Variants in SERTAD2 observed in about 807,000 individuals in gnomAD.
SERTAD2 encodes the protein SERTA domain-containing protein 2.
In SERTAD2, 2 loss-of-function variants were observed where a neutral mutation model predicts 15.4. That is an observed-to-expected ratio of 0.13 (90% confidence interval 0.05 to 0.41). The LOEUF (loss-of-function observed/expected upper bound fraction) is 0.41, where lower values mean the gene tolerates loss of function less well. SERTAD2 is among the 10% of genes least tolerant of loss of function. The probability of loss-of-function intolerance (pLI) is 0.99; values close to 1 mark genes in which losing one functional copy is unlikely to be tolerated. For synonymous variants in SERTAD2, 180 were observed against 178.0 expected (o/e 1.01, Z -0.09); for missense variants, 333 against 409.7 (o/e 0.81, Z 1.62).
intron 1 of SERTAD2, among the ~76,000 whole-genome samples, chr2:64,642,250 G>C (rs959723720): frequency 4.6e-5 from 7 of 152,180 alleles, no homozygotes; most frequent in Admixed American, 1.3e-4. Flanking sequence ...GTCTCAAACT[G>C]ATGTGTCAGA....
intron 1 of SERTAD2, among the ~76,000 whole-genome samples, chr2:64,637,766 G>A (rs535103929): frequency 2.0e-5 from 3 of 152,282 alleles, no homozygotes; most frequent in African/African-American, 7.2e-5. Flanking sequence ...ATCTGGTAAT[G>A]GGTTGAATTT....
At chr2:64,636,945 T>C in intron 1 of SERTAD2, 70 bp from the exon 2 acceptor site, 6 of 1,149,776 alleles carry the variant, frequency 5.2e-6, no homozygotes, top group Non-Finnish European at 7.4e-6. Context: ...AAAAAGAGAC[T>C]GATTTAGAGG....
rs1292130359 is a variant in SERTAD2 at position 64,635,536 on chromosome 2, T to C, written c.*391A>G. On this transcript the variant is annotated 3_prime_UTR_variant, in exon 2 of 2. Transcript: ENST00000313349. ...ATTATCTAAATAAGATATATATATA[T>C]AGTTTTCTTCTTTACCTCTTGCAAT... 4 of 171,316 alleles carry C rather than the reference T, an allele frequency of 2.3e-5. No homozygotes were observed. Among genetic ancestry groups the C allele is most frequent in the East Asian group, 1.5e-4 (1 of 6,764 alleles). The allele number at this position is 171,316 out of a possible 1,614,324, so 10.6% of individuals were successfully genotyped here. A position where few individuals can be genotyped will look rare whatever the true frequency, so the allele number is the denominator to read the frequency against.
chr2:64,639,021 T>C (rs1674717501), intron 1 of SERTAD2, among the ~76,000 whole-genome samples: 1 of 152,256 alleles, frequency 6.6e-6, no homozygotes, highest in Non-Finnish European at 1.5e-5. Context: ...CTATTGGTAT[T>C]TGCTTATAAT....
intron 1 of SERTAD2, among the ~76,000 whole-genome samples, chr2:64,637,899 G>A (rs912800399): frequency 3.9e-5 from 6 of 152,128 alleles, no homozygotes; most frequent in Non-Finnish European, 7.3e-5. Flanking sequence ...CTGGGGAGTG[G>A]GCCTTCCAAC....
At chr2:64,646,467 C>G (rs1357320017) in intron 1 of SERTAD2, 2 of 151,932 alleles carry the variant, frequency 1.3e-5, no homozygotes, top group African/African-American at 4.8e-5. Context: ...ACGCCCAATT[C>G]AAGTTGGAAC....
chr2:64,652,475 G>A (rs1434210637), intron 1 of SERTAD2, among the ~76,000 whole-genome samples: 1 of 152,222 alleles, frequency 6.6e-6, no homozygotes, highest in African/African-American at 2.4e-5. Context: ...TAGGGCCTCA[G>A]GAATCCTGGT....
chr2:64,650,993 A>T (rs1463041319), intron 1 of SERTAD2, among the ~76,000 whole-genome samples: 2 of 152,212 alleles, frequency 1.3e-5, no homozygotes, highest in Non-Finnish European at 2.9e-5. Flanking sequence ...TTGCAACTAG[A>T]GCTATCTCCT....
chr2:64,647,341 TG>T (rs1486767514), intron 1 of SERTAD2, among the ~76,000 whole-genome samples: 1 of 152,212 alleles, frequency 6.6e-6, no homozygotes, highest in Non-Finnish European at 1.5e-5. Context: ...TGTCAGAGTA[TG>T]TTTTTAGCAT....
chr2:64,634,822 G>C lies in SERTAD2; in HGVS notation c.*1105C>G, dbSNP rs1674620910. 1 of 152,202 alleles carries C rather than the reference G, an allele frequency of 6.6e-6. No homozygotes were observed. Among genetic ancestry groups the C allele is most frequent in the East Asian group, 1.9e-4 (1 of 5,200 alleles). The allele number at this position is 152,202 out of a possible 1,614,324, so 9.4% of individuals were successfully genotyped here. ...GTCATCATAAAAATTATGCCAAAAAGGAAAGATCTGGGTTTTCATTAAAAA... is the reference window on the plus strand; with the variant it reads ...GTCATCATAAAAATTATGCCAAAAACGAAAGATCTGGGTTTTCATTAAAAA... On this transcript the variant is annotated 3_prime_UTR_variant, in exon 2 of 2. Coordinates refer to ENST00000313349, the MANE Select transcript of SERTAD2 (RefSeq NM_014755.3).
rs2104337317 is a variant in SERTAD2, at chr2:64,636,304, T to C, written c.568A>G (p.Thr190Ala). 6.2e-7 allele frequency: 1 copy of C among 1,614,164 alleles called. No individual in the cohort carries two copies. Among genetic ancestry groups the C allele is most frequent in the Non-Finnish European group, 8.5e-7 (1 of 1,180,026 alleles). Residue 190 changes from threonine (T) to alanine (A), a missense_variant, in exon 2 of 2, where the codon ACG becomes GCG. Thr to Ala is a moderately conservative substitution (Grantham distance 58). Coordinates refer to ENST00000313349, the MANE Select transcript of SERTAD2 (RefSeq NM_014755.3). ...CCTTTCACACTGTCAGTCGCAGCCG[T>C]GGCCGCCTCTGTGGAGGTAGATGTG... Reference protein sequence around the residue: ...CPTSTSTEAATAATDSVKGTS... With the variant: ...CPTSTSTEAAAAATDSVKGTS...
At chr2:64,646,213 G>A (rs2104349857) in intron 1 of SERTAD2, among the ~76,000 whole-genome samples, 1 of 152,290 alleles carries the variant, frequency 6.6e-6, no homozygotes, top group Non-Finnish European at 1.5e-5. Flanking sequence ...GATACCTGCT[G>A]AGGCTGGCTG....
chr2:64,635,812 A>G lies in SERTAD2; in HGVS notation c.*115T>C, dbSNP rs538610256. The stretch of plus-strand genomic sequence containing the variant: ...AAAAACTAGTGTGATCCTGTTGTAA[A>G]ATTTTCTTTTTCTCTGAAAAAGGCA... On this transcript the variant is annotated 3_prime_UTR_variant, in exon 2 of 2. Coordinates refer to ENST00000313349, the MANE Select transcript of SERTAD2 (RefSeq NM_014755.3). 78 of 811,240 alleles carry G rather than the reference A, an allele frequency of 9.6e-5. 1 individual carries two copies. Among genetic ancestry groups the G allele is most frequent in the Non-Finnish European group, 1.5e-4 (74 of 505,004 alleles). The allele number at this position is 811,240 out of a possible 1,614,324, so 50.3% of individuals were successfully genotyped here. A position where few individuals can be genotyped will look rare whatever the true frequency, so the allele number is the denominator to read the frequency against.
intron 1 of SERTAD2, among the ~76,000 whole-genome samples, chr2:64,651,455 T>C (rs1408257072): frequency 6.6e-6 from 1 of 152,204 alleles, no homozygotes; most frequent in East Asian, 1.9e-4. Flanking sequence ...TCTAAAGTAG[T>C]GTTGTAACTT....
At chr2:64,645,039 TAAA>T (rs10578583) in intron 1 of SERTAD2, 258 of 146,802 alleles carry the variant, frequency 1.8e-3, no homozygotes, top group East Asian at 2.2e-3. Context: ...CGGGATGCTT[TAAA>T]AAAAAAAAAA....
chr2:64,649,139 T>C (rs1358174966), intron 1 of SERTAD2, among the ~76,000 whole-genome samples: 1 of 152,252 alleles, frequency 6.6e-6, no homozygotes, highest in Non-Finnish European at 1.5e-5. Context: ...TTAGCGTGAC[T>C]AGGATTTTAT....
intron 1 of SERTAD2, among the ~76,000 whole-genome samples, chr2:64,643,276 G>A (rs1290417727): frequency 6.6e-6 from 1 of 152,244 alleles, no homozygotes; most frequent in African/African-American, 2.4e-5. Context: ...CCCTTCTCAG[G>A]AGAGCAGCAG....
At position 64,636,691 on chromosome 2, in the gene SERTAD2, T is replaced by G. The variant is rs765966125; in HGVS notation, c.181A>C (p.Lys61Gln). The G allele has an allele frequency of 6.2e-7, 1 of 1,614,028 alleles. No homozygotes were observed. Among genetic ancestry groups the G allele is most frequent in the East Asian group, 2.2e-5 (1 of 44,876 alleles). Reference sequence around the variant, plus strand: ...AACATGTTGTTAATTAAAACGGTCTTTTGCAAGCTGGGCTCTGTCAGGGGC... The same window carrying G: ...AACATGTTGTTAATTAAAACGGTCTGTTGCAAGCTGGGCTCTGTCAGGGGC... ...HRPLTEPSLQ[K>Q]TVLINNMLRR... Residue 61 changes from lysine to glutamine, a missense_variant, in exon 2 of 2, where the codon AAG (lysine) becomes CAG (glutamine). Physicochemically the swap from Lys to Gln is moderately conservative, Grantham distance 53 (BLOSUM62 1). This residue lies in a region of SERTAD2 where 332 missense variants were observed against 392.9 expected (regional missense o/e 0.84). Coordinates refer to ENST00000313349, the MANE Select transcript of SERTAD2 (RefSeq NM_014755.3).
At position 64,633,262 on chromosome 2, in the gene SERTAD2, G is replaced by C. The variant is rs567600111; in HGVS notation, c.*2665C>G. The stretch of plus-strand genomic sequence containing the variant: ...TTGAGTATCAGGGATTTATGGCAAC[G>C]GTGTCAGAGTTAAAAAGCATTTGCC... On this transcript the variant is annotated 3_prime_UTR_variant, in exon 2 of 2. Transcript: ENST00000313349. 1 of 152,142 alleles carries C rather than the reference G, an allele frequency of 6.6e-6. No individual in the cohort carries two copies. Among genetic ancestry groups the C allele is most frequent in the Non-Finnish European group, 1.5e-5 (1 of 68,022 alleles). 9.4% of individuals were successfully genotyped at this position (152,142 alleles called of 1,614,324 possible).
Sources: gnomAD v4.1 joint callset for allele counts (sites outside exome capture counted in the v4.1 genomes callset) on GRCh38, gnomAD v4.1.1 for gene constraint, gnomAD v4.1.1 regional missense constraint, MANE v1.5 for transcripts, NCBI Gene and HGNC (gene_info 2026-07-23, HGNC 2026-07-21) for gene names.